Variants in CEMIP observed in about 807,000 individuals in gnomAD.
CEMIP encodes the protein cell migration inducing hyaluronidase 1.
Under a neutral mutation model 156.9 loss-of-function variants are expected in CEMIP, and 105 were observed. The ratio of observed to expected loss-of-function variants is 0.67; its 90% CI spans 0.57 to 0.79. The LOEUF (loss-of-function observed/expected upper bound fraction) is 0.79, where lower values mean the gene tolerates loss of function less well. Among genes scored for constraint, CEMIP ranks in the 30% least tolerant of loss-of-function variants. CEMIP has a pLI of 0.00. For missense variants in CEMIP, 1,457 were observed against 1,769.4 expected (o/e 0.82, Z 3.17); for synonymous variants, 676 against 668.4 (o/e 1.01, Z -0.17).
intron 3 of CEMIP, 129 bp from the exon 4 acceptor site, chr15:80,878,592 C>G: frequency 2.5e-6 from 3 of 1,210,856 alleles, no homozygotes. Flanking sequence ...TCTCTAAGGT[C>G]TTGCTTTTAG....
intron 1 of CEMIP, among the ~76,000 whole-genome samples, chr15:80,835,595 G>A (rs1055515818): frequency 2.6e-4 from 39 of 152,210 alleles, no homozygotes; most frequent in Admixed American, 2.4e-3. Flanking sequence ...CTGTCTTTCC[G>A]TAGTCTGCAT....
intron 1 of CEMIP, among the ~76,000 whole-genome samples, chr15:80,852,133 GAA>G (rs1897729948): frequency 1.3e-5 from 2 of 152,326 alleles, no homozygotes; most frequent in East Asian, 3.9e-4. Context: ...TCTTCTGATG[GAA>G]CTGTTTGTTC....
chr15:80,873,956 C>T lies in CEMIP; in HGVS notation c.77C>T (p.Pro26Leu). Residue 26 changes from proline to leucine, a missense_variant, in exon 3 of 30, where the codon CCT becomes CTT. Transcript: ENST00000394685. The stretch of plus-strand genomic sequence containing the variant: ...AGCTGGCTCACTCTGACCTGCTTCC[C>T]TGGGGCCACATCCACAGGTGAGCAC... Reference protein sequence around the residue: ...TISWLTLTCFPGATSTVAAGC... With the variant: ...TISWLTLTCFLGATSTVAAGC... 1.3e-6 allele frequency: 2 copies of T among 1,571,844 alleles called. No homozygotes were observed. The highest frequency in any genetic ancestry group is 1.2e-5 in the South Asian group (1 of 85,588).
At chr15:80,801,269 G>C (rs1293835500) in intron 1 of CEMIP, among the ~76,000 whole-genome samples, 4 of 152,324 alleles carry the variant, frequency 2.6e-5, no homozygotes, top group African/African-American at 9.6e-5. Context: ...ATCCGGACAG[G>C]CTTGGCTAAT....
Position 80,930,108 on chromosome 15 carries a change from C to T in CEMIP, c.2612+934C>T, listed in dbSNP as rs183769739. Reference sequence around the variant, plus strand: ...CCTTCTTGTCTGTCTGAGCTTTCTACTCTTTCTCTAGGAAGATATAATTTC... The same window carrying T: ...CCTTCTTGTCTGTCTGAGCTTTCTATTCTTTCTCTAGGAAGATATAATTTC... On this transcript the variant is annotated intron_variant, in intron 21 of 29. Coordinates refer to ENST00000394685, the MANE Select transcript of CEMIP (RefSeq NM_001293298.2). 2.6e-3 allele frequency among the ~76,000 whole-genome samples: 401 copies of T among 152,366 alleles called. 3 individuals carry two copies. The highest frequency in any genetic ancestry group is 4.7e-3 in the Non-Finnish European group (319 of 68,040).
intron 1 of CEMIP, among the ~76,000 whole-genome samples, chr15:80,863,249 A>G (rs1898032275): frequency 6.6e-6 from 1 of 152,198 alleles, no homozygotes; most frequent in African/African-American, 2.4e-5. Flanking sequence ...TCCAATTTCT[A>G]CTTCAAAATA....
intron 21 of CEMIP, among the ~76,000 whole-genome samples, chr15:80,930,736 T>C (rs528903255): frequency 6.6e-6 from 1 of 152,322 alleles, no homozygotes; most frequent in East Asian, 1.9e-4. Flanking sequence ...GGAACCATAT[T>C]GGAATGGAAG....
intron 1 of CEMIP, among the ~76,000 whole-genome samples, chr15:80,820,834 A>G (rs1160128705): frequency 6.6e-6 from 1 of 152,218 alleles, no homozygotes; most frequent in Non-Finnish European, 1.5e-5. Flanking sequence ...GAATGTAAAC[A>G]TGGGAATACT....
chr15:80,839,194 TCTC>T (rs1483205318), intron 1 of CEMIP, among the ~76,000 whole-genome samples: 2 of 151,778 alleles, frequency 1.3e-5, no homozygotes, highest in East Asian at 1.9e-4. Flanking sequence ...GAAAGCCACT[TCTC>T]CTCAGCCAGC....
chr15:80,801,421 A>G (rs190514391), intron 1 of CEMIP, among the ~76,000 whole-genome samples: 2 of 152,308 alleles, frequency 1.3e-5, no homozygotes, highest in Admixed American at 6.5e-5. Flanking sequence ...CACCCAGTAG[A>G]CTAGCCTGGG....
Position 80,906,663 on chromosome 15 carries a change from G to C in CEMIP, c.1412G>C (p.Gly471Ala), listed in dbSNP as rs747940968. The C allele has an allele frequency of 6.2e-7, 1 of 1,612,580 alleles. No individual in the cohort carries two copies. The highest frequency in any genetic ancestry group is 1.1e-5 in the South Asian group (1 of 90,976). The change falls in exon 13 of 30, where the codon GGG (glycine) becomes GCG (alanine). Residue 471 changes from glycine to alanine, a missense_variant and splice_region_variant. By Grantham distance (60) the Gly-to-Ala change is moderately conservative. Around this residue, in one of 5 missense-constraint regions of CEMIP, gnomAD observed 280 missense variants for 300.3 expected, o/e 0.93. Coordinates refer to ENST00000394685, the MANE Select transcript of CEMIP (RefSeq NM_001293298.2). The surrounding 1 kb of genome is among the most constrained non-coding windows in gnomAD (Gnocchi z 4.3). ...SCAPNQVKVA[G>A]KPMYLHIGEE... ...TTACCGTCCTCCCTTTCTGCCCTAG[G>C]GAAACCAATGTACCTGCACATCGGG...
At chr15:80,862,454 G>T (rs981440659) in intron 1 of CEMIP, among the ~76,000 whole-genome samples, 2 of 152,150 alleles carry the variant, frequency 1.3e-5, no homozygotes, top group East Asian at 3.9e-4. Flanking sequence ...GGTGGAGAGC[G>T]ACCCAGCTAC....
intron 1 of CEMIP, among the ~76,000 whole-genome samples, chr15:80,795,349 T>C (rs1896194451): frequency 6.6e-6 from 1 of 151,982 alleles, no homozygotes; most frequent in South Asian, 2.1e-4. Context: ...CAGGGGATGC[T>C]ATGGTGCTGG....
chr15:80,886,920 A>G (rs1337063491), intron 7 of CEMIP, among the ~76,000 whole-genome samples: 4 of 152,344 alleles, frequency 2.6e-5, no homozygotes, highest in African/African-American at 9.6e-5. Context: ...TAAGGGTCTT[A>G]GACCTGCTTC....
chr15:80,941,818 G>A, intron 25 of CEMIP, 31 bp from the exon 26 acceptor site: 2 of 1,604,628 alleles, frequency 1.2e-6, no homozygotes, highest in East Asian at 2.2e-5. Context: ...GAGTGTCCAA[G>A]CAAATGCCCA....
At chr15:80,862,915 G>A (rs1020030797) in intron 1 of CEMIP, among the ~76,000 whole-genome samples, 1 of 152,214 alleles carries the variant, frequency 6.6e-6, no homozygotes, top group Non-Finnish European at 1.5e-5. Flanking sequence ...GGGACTGAGG[G>A]CAGGGAAAAC....
intron 15 of CEMIP, 92 bp downstream of exon 15, chr15:80,920,391 T>C: frequency 8.2e-7 from 1 of 1,222,124 alleles, no homozygotes; most frequent in Non-Finnish European, 1.2e-6. Context: ...ACCAGACTTC[T>C]GCACTTCGGG....
At chr15:80,841,757 G>A (rs1897425113) in intron 1 of CEMIP, among the ~76,000 whole-genome samples, 1 of 152,190 alleles carries the variant, frequency 6.6e-6, no homozygotes, top group African/African-American at 2.4e-5. Context: ...ACCAATCAGA[G>A]CAGTTGGCCG....
rs1901720645 is a variant in CEMIP at position 80,949,395 on chromosome 15, C to T, written c.*471C>T. 8.1e-6 allele frequency: 2 copies of T among 248,080 alleles called. No homozygotes were observed. Among genetic ancestry groups the T allele is most frequent in the Non-Finnish European group, 1.6e-5 (2 of 124,734 alleles). The allele number at this position is 248,080 out of a possible 1,614,324, so 15.4% of individuals were successfully genotyped here. ...AGCCTTGGCCTTAAGGAAATCTTTA[C>T]TCCTGTAAGCAAGAGCCAACCTCAC... On this transcript the variant is annotated 3_prime_UTR_variant, in exon 30 of 30. Coordinates refer to ENST00000394685, the MANE Select transcript of CEMIP (RefSeq NM_001293298.2).
Sources: allele counts gnomAD v4.1 joint callset (sites outside exome capture counted in the v4.1 genomes callset), GRCh38; gene constraint gnomAD v4.1.1; regional missense constraint gnomAD v4.1.1; non-coding constraint Gnocchi (gnomAD v3.1); transcripts MANE v1.5; gene names NCBI Gene and HGNC (gene_info 2026-07-23, HGNC 2026-07-21).